Variants in OSBPL1A observed in about 807,000 individuals in gnomAD.
The protein encoded by OSBPL1A is oxysterol-binding protein-related protein 1.
In OSBPL1A, 80 loss-of-function variants were observed where a neutral mutation model predicts 137.1. The observed-to-expected ratio is 0.58, with a 90% CI of 0.49 to 0.70. OSBPL1A has a LOEUF of 0.70. OSBPL1A is among the 30% of genes least tolerant of loss of function. The probability of loss-of-function intolerance (pLI) is 0.00; values close to 1 mark genes in which losing one functional copy is unlikely to be tolerated. For missense variants in OSBPL1A, 970 were observed against 1,129.4 expected (o/e 0.86, Z 2.02); for synonymous variants, 365 against 389.7 (o/e 0.94, Z 0.75).
intron 13 of OSBPL1A, among the ~76,000 whole-genome samples, chr18:24,311,709 G>C (rs776205872): frequency 6.6e-6 from 1 of 152,080 alleles, no homozygotes; most frequent in Non-Finnish European, 1.5e-5. Flanking sequence ...ACAAAATGAC[G>C]GTCTGTTAAC....
At position 24,271,647 on chromosome 18, in the gene OSBPL1A, TG is replaced by T. The variant is rs1256472998; in HGVS notation, c.1281+9194del. Reference sequence around the variant, plus strand: ...CTGGGCCAGATCCGAGGACCCCGGCTGGCGCGCTCCACCCTGCGCTCCTCGC... The same window carrying T: ...CTGGGCCAGATCCGAGGACCCCGGCTGCGCGCTCCACCCTGCGCTCCTCGC... On this transcript the variant is annotated intron_variant, in intron 15 of 27. Coordinates refer to ENST00000319481, the MANE Select transcript of OSBPL1A (RefSeq NM_080597.4). The surrounding 1 kb of genome is among the most constrained non-coding windows in gnomAD (Gnocchi z 4.0). 1 of 985,640 alleles carries T rather than the reference TG, an allele frequency of 1.0e-6. No homozygotes were observed. Among genetic ancestry groups the T allele is most frequent in the Non-Finnish European group, 1.2e-6 (1 of 830,216 alleles). The allele number at this position is 985,640 out of a possible 1,614,324, so 61.1% of individuals were successfully genotyped here. A position where few individuals can be genotyped will look rare whatever the true frequency, so the allele number is the denominator to read the frequency against.
At chr18:24,366,803 G>A (rs1392918874) in intron 4 of OSBPL1A, 89 bp downstream of exon 4, 4 of 1,290,774 alleles carry the variant, frequency 3.1e-6, no homozygotes, top group African/African-American at 1.5e-5. Context: ...TTCTTCGGTT[G>A]CTGGTCAGAT....
At position 24,193,161 on chromosome 18, in the gene OSBPL1A, G is replaced by A. The variant is rs929520382; in HGVS notation, c.1677+2964C>T. Among the ~76,000 whole-genome samples the A allele has an allele frequency of 1.5e-4, 23 of 152,184 alleles. 1 individual carries two copies. Among genetic ancestry groups the A allele is most frequent in the African/African-American group, 5.3e-4 (22 of 41,446 alleles). ...AGTTTCACCCCCACAAAAAGGACACGAAGTGAAGTATTTGGATTAATGTGA... is the reference window on the plus strand; with the variant it reads ...AGTTTCACCCCCACAAAAAGGACACAAAGTGAAGTATTTGGATTAATGTGA... On this transcript the variant is annotated intron_variant, in intron 18 of 27. Transcript: ENST00000319481.
intron 23 of OSBPL1A, 37 bp from the exon 24 acceptor site, chr18:24,170,490 T>C: frequency 6.2e-7 from 1 of 1,612,682 alleles, no homozygotes; most frequent in East Asian, 2.2e-5. Context: ...AACAAACCAG[T>C]GTTTGTTTTT....
chr18:24,202,335 T>C (rs1205452435), intron 17 of OSBPL1A, among the ~76,000 whole-genome samples: 1 of 152,254 alleles, frequency 6.6e-6, no homozygotes, highest in Admixed American at 6.5e-5. Flanking sequence ...AGGTTCAACT[T>C]CTTACCTACA....
chr18:24,185,931 G>C (rs1599456099), intron 18 of OSBPL1A, among the ~76,000 whole-genome samples: 1 of 152,228 alleles, frequency 6.6e-6, no homozygotes, highest in East Asian at 1.9e-4. Flanking sequence ...AGCTAAGTGT[G>C]GGGGCGTGCA....
chr18:24,251,711 T>C lies in OSBPL1A; in HGVS notation c.1282-12329A>G, dbSNP rs374436384. Among the ~76,000 whole-genome samples the C allele has an allele frequency of 2.0e-4, 30 of 152,208 alleles. No individual in the cohort carries two copies. In the East Asian group the frequency reaches 2.7e-3, roughly 14 times the overall value. ...CAAGGTCATCCAGGAAAACATGACT[T>C]CACCAAATGAACTAAATAAGGCAGC... On this transcript the variant is annotated intron_variant, in intron 15 of 27. Coordinates refer to ENST00000319481, the MANE Select transcript of OSBPL1A (RefSeq NM_080597.4).
intron 1 of OSBPL1A, among the ~76,000 whole-genome samples, chr18:24,394,299 C>T (rs1907577936): frequency 6.6e-6 from 1 of 152,190 alleles, no homozygotes; most frequent in African/African-American, 2.4e-5. Flanking sequence ...AGGTATTTAT[C>T]TTACCCATAT....
At chr18:24,389,134 T>C (rs978657686) in intron 1 of OSBPL1A, among the ~76,000 whole-genome samples, 1 of 152,196 alleles carries the variant, frequency 6.6e-6, no homozygotes, top group Non-Finnish European at 1.5e-5. Context: ...TCACAATGGA[T>C]TGCAGCCATT....
intron 17 of OSBPL1A, among the ~76,000 whole-genome samples, chr18:24,219,137 AAATT>A (rs1208917215): frequency 6.6e-6 from 1 of 151,984 alleles, no homozygotes; most frequent in Non-Finnish European, 1.5e-5. Context: ...TGGAAAAAAA[AAATT>A]AATTAGCTAG....
chr18:24,357,283 T>C (rs1036141515), intron 4 of OSBPL1A: 1 of 152,122 alleles, frequency 6.6e-6, no homozygotes, highest in African/African-American at 2.4e-5. Context: ...TGGGAAAAGA[T>C]AGTCATGCCT....
intron 15 of OSBPL1A, among the ~76,000 whole-genome samples, chr18:24,255,795 C>T (rs1259164727): frequency 6.7e-6 from 1 of 149,156 alleles, no homozygotes; most frequent in South Asian, 2.1e-4. Flanking sequence ...CTCGCTCTCT[C>T]GCCCAGGCTG....
chr18:24,163,681 C>A (rs1385468536), intron 27 of OSBPL1A, among the ~76,000 whole-genome samples: 1 of 151,884 alleles, frequency 6.6e-6, no homozygotes, highest in Admixed American at 6.6e-5. Context: ...TTACAGCATA[C>A]CCACAGCAGT....
intron 15 of OSBPL1A, among the ~76,000 whole-genome samples, chr18:24,245,552 A>G (rs980360098): frequency 6.6e-6 from 1 of 152,162 alleles, no homozygotes; most frequent in Non-Finnish European, 1.5e-5. Flanking sequence ...AAGTCTGACT[A>G]TTATATTGTT....
At chr18:24,277,942 G>A (rs968019366) in intron 15 of OSBPL1A, among the ~76,000 whole-genome samples, 6 of 152,142 alleles carry the variant, frequency 3.9e-5, no homozygotes, top group Non-Finnish European at 5.9e-5. Flanking sequence ...TTAAATGCTA[G>A]TTACTAAACA....
chr18:24,188,527 A>G (rs1418290663), intron 18 of OSBPL1A, among the ~76,000 whole-genome samples: 1 of 152,242 alleles, frequency 6.6e-6, no homozygotes, highest in Non-Finnish European at 1.5e-5. Flanking sequence ...GTAATCTATA[A>G]TAATTTAAAC....
At chr18:24,381,958 C>T (rs962070011) in intron 1 of OSBPL1A, among the ~76,000 whole-genome samples, 10 of 150,478 alleles carry the variant, frequency 6.6e-5, no homozygotes, top group African/African-American at 2.4e-4. Flanking sequence ...GAGACTCCAC[C>T]TCAAAAAAAG....
intron 14 of OSBPL1A, among the ~76,000 whole-genome samples, chr18:24,298,133 C>T (rs544043027): frequency 2.7e-4 from 41 of 152,256 alleles, no homozygotes; most frequent in South Asian, 6.2e-4. Context: ...GCTACACTCC[C>T]AACAGTGCCA....
intron 21 of OSBPL1A, among the ~76,000 whole-genome samples, chr18:24,175,104 G>GTATATATATATA (rs775433072): frequency 0.011 from 455 of 42,572 alleles, 17 homozygotes; most frequent in East Asian, 0.066. Flanking sequence ...TTTGCCATGT[G>GTATATATATATA]TATGTATATA....
Sources: allele counts gnomAD v4.1 joint callset (sites outside exome capture counted in the v4.1 genomes callset), GRCh38; gene constraint gnomAD v4.1.1; non-coding constraint Gnocchi (gnomAD v3.1); transcripts MANE v1.5; gene names NCBI Gene and HGNC (gene_info 2026-07-23, HGNC 2026-07-21).